Variants in STRN observed in about 807,000 individuals in gnomAD.
STRN encodes the protein striatin.
A neutral mutation model predicts 96.3 loss-of-function variants in STRN; 53 were observed. The ratio of observed to expected loss-of-function variants is 0.55; its 90% CI spans 0.44 to 0.69. The LOEUF is 0.69. Ranked by LOEUF, STRN falls within the 30% of genes least tolerant of loss-of-function variation. The pLI, the probability that STRN is intolerant of heterozygous loss-of-function variation, is 0.00. For synonymous variants in STRN, 428 were observed against 355.9 expected (o/e 1.20, Z -2.28); for missense variants, 987 against 963.9 (o/e 1.02, Z -0.32).
intron 2 of STRN, among the ~76,000 whole-genome samples, chr2:36,917,208 G>A (rs950757119): frequency 6.6e-5 from 10 of 150,932 alleles, no homozygotes; most frequent in Non-Finnish European, 1.0e-4. Context: ...AGCACTTACC[G>A]TTAGGTTTTT....
intron 6 of STRN, among the ~76,000 whole-genome samples, chr2:36,899,273 C>T (rs1286004689): frequency 1.3e-5 from 2 of 152,142 alleles, no homozygotes; most frequent in Admixed American, 6.5e-5. Flanking sequence ...TATTCATCTG[C>T]CCCATAGAAA....
At chr2:36,934,408 T>G (rs116771449) in intron 1 of STRN, among the ~76,000 whole-genome samples, 2,369 of 152,278 alleles carry the variant, frequency 0.016, 63 homozygotes, top group African/African-American at 0.054. Flanking sequence ...AGATAAGGAA[T>G]TCCACAAAAA....
At chr2:36,961,237 C>A (rs1222291685) in intron 1 of STRN, among the ~76,000 whole-genome samples, 1 of 150,618 alleles carries the variant, frequency 6.6e-6, no homozygotes, top group East Asian at 1.9e-4. Context: ...AGCAATCCTC[C>A]CACCTCAGCC....
At position 36,877,949 on chromosome 2, in the gene STRN, C is replaced by A. The variant is rs756610640; in HGVS notation, c.1265G>T (p.Gly422Val). 1 of 1,614,160 alleles carries A rather than the reference C, an allele frequency of 6.2e-7. No homozygotes were observed. Among genetic ancestry groups the A allele is most frequent in the Admixed American group, 1.7e-5 (1 of 60,024 alleles). Residue 422 changes from glycine to valine, a missense_variant, in exon 10 of 18, where the codon GGA becomes GTA. By Grantham distance (109) the Gly-to-Val change is moderately radical. Coordinates refer to ENST00000263918, the MANE Select transcript of STRN (RefSeq NM_003162.4). Reference protein sequence around the residue: ...GADEALESELGLGELAGLTVA... With the variant: ...GADEALESELVLGELAGLTVA... ...CGTAAGGCCTGCTAGTTCTCCAAGT[C>A]CCAGTTCACTTTCAAGGGCTTCATC...
rs1003679871 is a variant in STRN at position 36,842,411 on chromosome 2, G to A, written c.*7045C>T. 21 of 152,162 alleles carry A rather than the reference G, an allele frequency of 1.4e-4. No homozygotes were observed. Among genetic ancestry groups the A allele is most frequent in the African/African-American group, 5.1e-4 (21 of 41,454 alleles). 9.4% of individuals were successfully genotyped at this position (152,162 alleles called of 1,614,324 possible). On this transcript the variant is annotated 3_prime_UTR_variant, in exon 18 of 18. Transcript: ENST00000263918. The stretch of plus-strand genomic sequence containing the variant: ...GTACTCCAAGTGCTGTTTAACAGAT[G>A]TTTTACTGTGGGCTCTCCTTTACAT...
chr2:36,873,832 A>G (rs1251566334), intron 10 of STRN, among the ~76,000 whole-genome samples: 1 of 151,754 alleles, frequency 6.6e-6, no homozygotes, highest in Non-Finnish European at 1.5e-5. Context: ...AATCTCAGCT[A>G]CCCGAGAGGC....
rs775954649 is a variant in STRN, at chr2:36,840,781, T to C, written c.*8675A>G. 1 of 152,086 alleles carries C rather than the reference T, an allele frequency of 6.6e-6. No homozygotes were observed. Among genetic ancestry groups the C allele is most frequent in the East Asian group, 1.9e-4 (1 of 5,194 alleles). 9.4% of individuals were successfully genotyped at this position (152,086 alleles called of 1,614,324 possible). ...TAGGTGACAAATGAGCAATGCATAA[T>C]ATGCAAAATCTGGGTTAAGGGAGAG... On this transcript the variant is annotated 3_prime_UTR_variant, in exon 18 of 18. Transcript: ENST00000263918.
rs181375358 is a variant in STRN, at chr2:36,914,904, A to G, written c.412+1174T>C. ...ACCGAATAACCACTTTAAAATTTAA[A>G]GTGAATATGCGGCCGGGCGTGGTGG... On this transcript the variant is annotated intron_variant, in intron 3 of 17. Coordinates refer to ENST00000263918, the MANE Select transcript of STRN (RefSeq NM_003162.4). Among the ~76,000 whole-genome samples the G allele has an allele frequency of 2.8e-3, 420 of 152,266 alleles. 1 individual carries two copies. Among genetic ancestry groups the G allele is most frequent in the African/African-American group, 9.7e-3 (404 of 41,560 alleles).
intron 13 of STRN, among the ~76,000 whole-genome samples, chr2:36,860,634 T>C (rs987813766): frequency 6.6e-6 from 1 of 152,232 alleles, no homozygotes. Context: ...TTATGATGTA[T>C]GGTATTGTTC....
chr2:36,935,009 C>T (rs1670667589), intron 1 of STRN, among the ~76,000 whole-genome samples: 3 of 152,086 alleles, frequency 2.0e-5, no homozygotes, highest in Admixed American at 2.0e-4. Flanking sequence ...ATTTGGGAGG[C>T]AGAGGTTGCA....
chr2:36,875,940 G>A (rs1293779882), intron 10 of STRN, among the ~76,000 whole-genome samples: 1 of 152,054 alleles, frequency 6.6e-6, no homozygotes, highest in Non-Finnish European at 1.5e-5. Context: ...ACAAGCGTGA[G>A]CCACCGCGCC....
At chr2:36,943,933 A>G (rs771932454) in intron 1 of STRN, among the ~76,000 whole-genome samples, 133 of 152,022 alleles carry the variant, frequency 8.7e-4, no homozygotes, top group Non-Finnish European at 1.7e-3. Context: ...CCTGGCCAAC[A>G]TGGTGAAACC....
intron 14 of STRN, among the ~76,000 whole-genome samples, chr2:36,855,814 A>C (rs979122025): frequency 6.6e-6 from 1 of 152,178 alleles, no homozygotes; most frequent in African/African-American, 2.4e-5. Flanking sequence ...TACCATATGA[A>C]GACAACTCAT....
chr2:36,950,676 G>A (rs972562236), intron 1 of STRN, among the ~76,000 whole-genome samples: 1 of 152,152 alleles, frequency 6.6e-6, no homozygotes, highest in African/African-American at 2.4e-5. Context: ...CCAGATTTCA[G>A]GAAGTGTCTA....
At chr2:36,921,995 T>C (rs1262098303) in intron 2 of STRN, among the ~76,000 whole-genome samples, 3 of 152,188 alleles carry the variant, frequency 2.0e-5, no homozygotes, top group South Asian at 2.1e-4. Context: ...CAATGTTACA[T>C]TTCTTTAATT....
rs1314585563 is a variant in STRN at position 36,847,868 on chromosome 2, ATT to A, written c.*1586_*1587del. 6.6e-6 allele frequency: 1 copy of A among 152,212 alleles called. No individual in the cohort carries two copies. The highest frequency in any genetic ancestry group is 1.5e-5 in the Non-Finnish European group (1 of 68,026). 9.4% of individuals were successfully genotyped at this position (152,212 alleles called of 1,614,324 possible). ...AATGTGGGGAATGGAATATGTAGAAATTGTTTTAATTGGTTAAAATATCTATA... is the reference window on the plus strand; with the variant it reads ...AATGTGGGGAATGGAATATGTAGAAAGTTTTAATTGGTTAAAATATCTATA... On this transcript the variant is annotated 3_prime_UTR_variant, in exon 18 of 18. Transcript: ENST00000263918.
intron 3 of STRN, among the ~76,000 whole-genome samples, chr2:36,914,146 T>C (rs937090149): frequency 1.3e-5 from 2 of 152,102 alleles, no homozygotes; most frequent in Admixed American, 6.6e-5. Context: ...TGTGCCACCA[T>C]CCCCAGCTAA....
intron 1 of STRN, among the ~76,000 whole-genome samples, chr2:36,937,355 A>G (rs1335160457): frequency 1.3e-5 from 2 of 149,060 alleles, no homozygotes; most frequent in Admixed American, 1.3e-4. Flanking sequence ...AAAAAAAAAA[A>G]AAAGAAAAGA....
Position 36,849,639 on chromosome 2 carries a change from A to C in STRN, c.2174-14T>G. 6.2e-7 allele frequency: 1 copy of C among 1,612,096 alleles called. No homozygotes were observed. Among genetic ancestry groups the C allele is most frequent in the African/African-American group, 1.3e-5 (1 of 74,752 alleles). The stretch of plus-strand genomic sequence containing the variant: ...AACAGTCATGACCTATATCCAAAAA[A>C]AAAATTAAAAGGAAAAATTACATTA... On this transcript the variant is annotated splice_polypyrimidine_tract_variant and intron_variant, in intron 17 of 17. Transcript: ENST00000263918.
Sources: gnomAD v4.1 joint callset for allele counts (sites outside exome capture counted in the v4.1 genomes callset) on GRCh38, gnomAD v4.1.1 for gene constraint, MANE v1.5 for transcripts, NCBI Gene and HGNC (gene_info 2026-07-23, HGNC 2026-07-21) for gene names.